TBC1D8: variants seen among roughly 807,000 people sequenced by gnomAD.
TBC1D8 encodes the protein TBC1 domain family member 8, also known as BUB2-like protein 1.
A neutral mutation model predicts 118.8 loss-of-function variants in TBC1D8; 65 were observed. That is an observed-to-expected ratio of 0.55 (90% CI 0.45 to 0.67). The LOEUF (loss-of-function observed/expected upper bound fraction) is 0.67, where lower values mean the gene tolerates loss of function less well. Among genes scored for constraint, TBC1D8 ranks in the 30% least tolerant of loss-of-function variants. The pLI is 0.00. For synonymous variants in TBC1D8, 566 were observed against 595.8 expected, an observed-to-expected ratio of 0.95 and a Z score of 0.73; for missense variants, 1,376 against 1,471.2, an observed-to-expected ratio of 0.94 and a Z score of 1.06.
chr2:101,068,450 G>C (rs1400562854), intron 2 of TBC1D8: 1 of 349,288 alleles, frequency 2.9e-6, no homozygotes, highest in Non-Finnish European at 5.2e-6. Flanking sequence ...TTCAGATATA[G>C]CGAAAGTGAA....
At chr2:101,130,512 T>G (rs1240425540) in intron 1 of TBC1D8, among the ~76,000 whole-genome samples, 2 of 152,206 alleles carry the variant, frequency 1.3e-5, no homozygotes, top group Non-Finnish European at 2.9e-5. Context: ...GGCAGGAACC[T>G]AAAAGACAGG....
chr2:101,040,404 A>C lies in TBC1D8; in HGVS notation c.873-19T>G. 1 of 1,569,692 alleles carries C rather than the reference A, an allele frequency of 6.4e-7. No homozygotes were observed. Among genetic ancestry groups the C allele is most frequent in the Non-Finnish European group, 8.7e-7 (1 of 1,155,406 alleles). On this transcript the variant is annotated intron_variant, in intron 5 of 19. Transcript: ENST00000409318. The stretch of plus-strand genomic sequence containing the variant: ...CAGGTCCCTGGGGAAGGACAGGGAG[A>C]GAAGAAGAAGAGATAGGAAAGGTGA...
rs770841370 is a variant in TBC1D8, at chr2:101,027,461, A to G, written c.2452-10T>C. ...GGATAACGACTCGAAGCTTGAGGAA[A>G]GAATAAACAGCAATGGCGTGAAATC... is the stretch of plus-strand genomic sequence containing the variant. On this transcript the variant is annotated splice_polypyrimidine_tract_variant and intron_variant, in intron 14 of 19. Coordinates refer to ENST00000409318, the MANE Select transcript of TBC1D8 (RefSeq NM_001330348.2). 26 of 1,612,372 alleles carry G rather than the reference A, an allele frequency of 1.6e-5. No individual in the cohort carries two copies. Among genetic ancestry groups the G allele is most frequent in the Non-Finnish European group, 8.5e-6 (10 of 1,178,862 alleles).
intron 19 of TBC1D8, among the ~76,000 whole-genome samples, chr2:101,009,970 C>T (rs1214670386): frequency 2.6e-5 from 4 of 151,842 alleles, no homozygotes; most frequent in Non-Finnish European, 4.4e-5. Flanking sequence ...TACAGGCGCC[C>T]GCCACCACGT....
intron 2 of TBC1D8, among the ~76,000 whole-genome samples, chr2:101,089,422 TAA>T (rs5832949): frequency 2.7e-5 from 4 of 146,816 alleles, no homozygotes; most frequent in East Asian, 2.0e-4. Flanking sequence ...TACTCGTGTT[TAA>T]AAAAAAAAAA....
intron 2 of TBC1D8, among the ~76,000 whole-genome samples, chr2:101,077,567 A>T (rs1674928430): frequency 6.6e-6 from 1 of 152,072 alleles, no homozygotes; most frequent in Admixed American, 6.6e-5. Context: ...CCTTTTAAAC[A>T]ACGAGATCTC....
intron 1 of TBC1D8, among the ~76,000 whole-genome samples, chr2:101,104,014 G>T (rs1347471967): frequency 6.6e-6 from 1 of 151,968 alleles, no homozygotes; most frequent in African/African-American, 2.4e-5. Context: ...CAGGATTCAA[G>T]GTTAACATGA....
intron 1 of TBC1D8, among the ~76,000 whole-genome samples, chr2:101,106,853 T>A (rs970614563): frequency 3.3e-5 from 5 of 152,206 alleles, no homozygotes; most frequent in Admixed American, 2.6e-4. Flanking sequence ...ATTCAATACA[T>A]TACATGAGAT....
intron 17 of TBC1D8, 57 bp from the exon 18 acceptor site, chr2:101,011,597 CAGT>C: frequency 6.3e-7 from 1 of 1,577,192 alleles, no homozygotes; most frequent in African/African-American, 1.3e-5. Flanking sequence ...CCAAAACTGA[CAGT>C]AATGTAGCTT....
At chr2:101,071,737 GCA>G (rs920364557) in intron 2 of TBC1D8, among the ~76,000 whole-genome samples, 2 of 152,008 alleles carry the variant, frequency 1.3e-5, no homozygotes, top group African/African-American at 4.8e-5. Flanking sequence ...AGTTTTCAAG[GCA>G]CACAGATTAA....
chr2:101,111,903 T>C (rs1023807392), intron 1 of TBC1D8, among the ~76,000 whole-genome samples: 13 of 113,800 alleles, frequency 1.1e-4, no homozygotes, highest in Admixed American at 1.1e-3. Flanking sequence ...TGTTGTGTAC[T>C]TGACCATAGT....
rs1170676003 is a variant in TBC1D8 at position 101,007,892 on chromosome 2, T to G, written c.3397A>C (p.Asn1133His). The change falls in exon 20 of 20, where the codon AAT (asparagine) becomes CAT (histidine). Residue 1133 changes from asparagine to histidine, a missense_variant. Transcript: ENST00000409318. ...TCAAAAGTTTTGAGATTGTACTGAT[T>G]GATCTTGGCATTTTCAAGTTTGGAT... is the stretch of plus-strand genomic sequence containing the variant. ...MKSKLENAKI[N>H]QYNLKTFEMS... The G allele has an allele frequency of 6.8e-6, 11 of 1,613,932 alleles. No individual in the cohort carries two copies. The highest frequency in any genetic ancestry group is 1.3e-5 in the African/African-American group (1 of 74,932).
chr2:101,048,534 A>T (rs1160666113), intron 5 of TBC1D8, among the ~76,000 whole-genome samples: 1 of 152,160 alleles, frequency 6.6e-6, no homozygotes, highest in African/African-American at 2.4e-5. Flanking sequence ...AATCAAGAGC[A>T]TTTGTGTTTG....
chr2:101,030,755 TCAG>T (rs1350999327), intron 11 of TBC1D8, among the ~76,000 whole-genome samples: 1 of 152,162 alleles, frequency 6.6e-6, no homozygotes, highest in Non-Finnish European at 1.5e-5. Flanking sequence ...CAAATGCGCA[TCAG>T]CAGGTGACTG....
intron 1 of TBC1D8, among the ~76,000 whole-genome samples, chr2:101,098,389 AG>A (rs1385693339): frequency 1.4e-5 from 2 of 144,976 alleles, no homozygotes; most frequent in Admixed American, 6.9e-5. Context: ...CAAAAAAAAA[AG>A]AGAGAGACTT....
chr2:101,059,494 T>C lies in TBC1D8; in HGVS notation c.329A>G (p.Gln110Arg), dbSNP rs368740197. The change falls in exon 3 of 20, where the codon CAA (glutamine) becomes CGA (arginine). Residue 110 changes from glutamine (Q) to arginine (R), a missense_variant. Physicochemically the swap from Gln to Arg is conservative, Grantham distance 43. Transcript: ENST00000409318. ...EINQHWDWLE[Q>R]NLLHTLSVFD... ...GACAGACAAGGTGTGGAGGAGATTT[T>C]GTTCCAGCCAGTCCCAGTGCTGATT... 150 of 1,613,858 alleles carry C rather than the reference T, an allele frequency of 9.3e-5. No individual in the cohort carries two copies. Among genetic ancestry groups the C allele is most frequent in the Middle Eastern group, 1.6e-4 (1 of 6,084 alleles).
rs190257780 is a variant in TBC1D8 at position 101,036,004 on chromosome 2, C to G, written c.1603+14G>C. ...AAAAAGAACAATTAGCTTCGAGACA[C>G]CAAGAGCGCTTACCTGAGAAGAGAA... On this transcript the variant is annotated intron_variant, in intron 9 of 19. Coordinates refer to ENST00000409318, the MANE Select transcript of TBC1D8 (RefSeq NM_001330348.2). 86 of 1,613,362 alleles carry G rather than the reference C, an allele frequency of 5.3e-5. No individual in the cohort carries two copies. The African/African-American group carries it at 9.6e-4, about 18-fold the overall frequency.
At chr2:101,040,797 C>T (rs574099097) in intron 5 of TBC1D8, among the ~76,000 whole-genome samples, 25 of 152,338 alleles carry the variant, frequency 1.6e-4, no homozygotes, top group African/African-American at 5.8e-4. Context: ...GCCACTGGCA[C>T]AATTTGTATT....
rs771208541 is a variant in TBC1D8 at position 101,022,476 on chromosome 2, C to A, written c.2566G>T (p.Ala856Ser). The change falls in exon 16 of 20, where the codon GCC becomes TCC. Residue 856 changes from alanine (A) to serine (S), a missense_variant. Coordinates refer to ENST00000409318, the MANE Select transcript of TBC1D8 (RefSeq NM_001330348.2). ...GGCCGGCTGGGGTCGTGGCGTGAGG[C>A]CATGGGCCTGGGCTGCTCCCAGTAA... ...SCYWEQPRPMASRHDPSRPYA... is the reference protein window; with the variant it reads ...SCYWEQPRPMSSRHDPSRPYA... 3.1e-6 allele frequency: 5 copies of A among 1,607,200 alleles called. No homozygotes were observed. In the South Asian group the frequency reaches 5.5e-5, roughly 18 times the overall value.
Sources: allele counts gnomAD v4.1 joint callset (sites outside exome capture counted in the v4.1 genomes callset), GRCh38; gene constraint gnomAD v4.1.1; transcripts MANE v1.5; gene names NCBI Gene and HGNC (gene_info 2026-07-23, HGNC 2026-07-21).